RMDN2: variants seen among roughly 807,000 people sequenced by gnomAD.
RMDN2 encodes the protein regulator of microtubule dynamics 2.
Under a neutral mutation model 52.8 loss-of-function variants are expected in RMDN2, and 61 were observed. The observed-to-expected ratio is 1.16, with a 90% CI of 0.94 to 1.43. RMDN2 has a LOEUF of 1.43. Among genes scored for constraint, RMDN2 ranks in the 40% most tolerant of loss-of-function variants. The pLI, the probability that RMDN2 is intolerant of heterozygous loss-of-function variation, is 0.00. For missense variants in RMDN2, 592 were observed against 475.3 expected (o/e 1.25, Z -2.28); for synonymous variants, 180 against 153.1 (o/e 1.18, Z -1.30).
At chr2:37,972,580 A>G (rs1304009192) in intron 2 of RMDN2, among the ~76,000 whole-genome samples, 4 of 152,176 alleles carry the variant, frequency 2.6e-5, no homozygotes, top group African/African-American at 9.7e-5. Flanking sequence ...GGTTTTGAGC[A>G]AAGGAGTGAC....
chr2:37,978,017 C>G (rs920783842), intron 4 of RMDN2, among the ~76,000 whole-genome samples: 2 of 152,192 alleles, frequency 1.3e-5, no homozygotes, highest in Non-Finnish European at 2.9e-5. Context: ...CCACTGCACT[C>G]CAGCCTGGGC....
chr2:38,052,169 C>T (rs978773840), intron 10 of RMDN2, among the ~76,000 whole-genome samples: 1 of 152,184 alleles, frequency 6.6e-6, no homozygotes, highest in Non-Finnish European at 1.5e-5. Context: ...TCTACATCCT[C>T]CCCAGCATCT....
chr2:38,010,051 T>C (rs772549842), intron 10 of RMDN2, among the ~76,000 whole-genome samples: 1 of 152,198 alleles, frequency 6.6e-6, no homozygotes, highest in Non-Finnish European at 1.5e-5. Context: ...CAAATGTTGC[T>C]GCCTGATCGT....
intron 7 of RMDN2, among the ~76,000 whole-genome samples, chr2:37,996,221 C>G (rs1254845677): frequency 6.6e-6 from 1 of 151,984 alleles, no homozygotes; most frequent in African/African-American, 2.4e-5. Context: ...TTACAAAGTT[C>G]AAAGCGAAGC....
intron 10 of RMDN2, among the ~76,000 whole-genome samples, chr2:38,063,738 C>T (rs1034226189): frequency 9.2e-5 from 14 of 152,080 alleles, no homozygotes; most frequent in African/African-American, 3.1e-4. Context: ...AAAAAGTGGG[C>T]GAAGGATATG....
At chr2:37,997,034 G>A (rs1165635677) in intron 7 of RMDN2, among the ~76,000 whole-genome samples, 8 of 152,086 alleles carry the variant, frequency 5.3e-5, no homozygotes, top group East Asian at 3.9e-4. Flanking sequence ...TGTGCTGTAC[G>A]AAGAGATACA....
intron 10 of RMDN2, among the ~76,000 whole-genome samples, chr2:38,035,592 G>C (rs577518739): frequency 1.3e-5 from 2 of 152,116 alleles, no homozygotes; most frequent in East Asian, 3.9e-4. Flanking sequence ...CAGTGAAATA[G>C]AATATAAAGT....
chr2:37,951,412 C>G lies in RMDN2; in HGVS notation c.452+21683C>G, dbSNP rs1475229603. 2.5e-6 allele frequency: 4 copies of G among 1,612,872 alleles called. No homozygotes were observed. In the African/African-American group the frequency reaches 4.0e-5, roughly 16 times the overall value. On this transcript the variant is annotated intron_variant, in intron 2 of 10. Coordinates refer to ENST00000354545, the MANE Select transcript of RMDN2 (RefSeq NM_001170791.3). ...GCCAAAGCAAGTAGAAGGTTATTAT[C>G]TGTATCAAGTCCATCTTTCTCTGAA...
intron 2 of RMDN2, among the ~76,000 whole-genome samples, chr2:37,935,665 T>C (rs78332549): frequency 0.13 from 20,432 of 152,234 alleles, 1,589 homozygotes; most frequent in Non-Finnish European, 0.18. Context: ...ATGTGCACTT[T>C]TATATAAACA....
chr2:37,924,486 TC>T (rs946341316), upstream of RMDN2, among the ~76,000 whole-genome samples: 1 of 152,232 alleles, frequency 6.6e-6, no homozygotes, highest in Non-Finnish European at 1.5e-5. Context: ...TGCCTCATCC[TC>T]CCAAGTAGCT....
chr2:37,945,485 C>T (rs1159014271), intron 2 of RMDN2, among the ~76,000 whole-genome samples: 1 of 152,144 alleles, frequency 6.6e-6, no homozygotes, highest in African/African-American at 2.4e-5. Flanking sequence ...TCTACCAGCA[C>T]ATCTACAAAT....
chr2:37,977,237 C>G (rs1424199255), intron 4 of RMDN2, among the ~76,000 whole-genome samples: 1 of 152,258 alleles, frequency 6.6e-6, no homozygotes, highest in Non-Finnish European at 1.5e-5. Flanking sequence ...TCTCCTATGT[C>G]TACTTCTTTC....
chr2:37,953,265 G>C (rs1026303415), intron 2 of RMDN2, among the ~76,000 whole-genome samples: 2 of 151,814 alleles, frequency 1.3e-5, no homozygotes, highest in African/African-American at 4.8e-5. Context: ...TCACATTGTT[G>C]TACAGCCATC....
chr2:37,957,239 T>C (rs1357419356), intron 2 of RMDN2, among the ~76,000 whole-genome samples: 1 of 152,216 alleles, frequency 6.6e-6, no homozygotes, highest in Non-Finnish European at 1.5e-5. Flanking sequence ...CACACTGTCT[T>C]CCACAATGGT....
chr2:37,944,863 A>T (rs1045224494), intron 2 of RMDN2, among the ~76,000 whole-genome samples: 4 of 152,166 alleles, frequency 2.6e-5, no homozygotes, highest in Non-Finnish European at 5.9e-5. Context: ...GAGCGTATTT[A>T]TGGGCCACAA....
intron 4 of RMDN2, among the ~76,000 whole-genome samples, chr2:37,976,018 A>G (rs1312610478): frequency 6.6e-6 from 1 of 152,244 alleles, no homozygotes; most frequent in African/African-American, 2.4e-5. Flanking sequence ...AGTTAAAGTA[A>G]CACATCTTAC....
chr2:37,942,293 C>G (rs1309700390), intron 2 of RMDN2, among the ~76,000 whole-genome samples: 5 of 152,172 alleles, frequency 3.3e-5, no homozygotes, highest in African/African-American at 1.2e-4. Context: ...GCAGAAATCA[C>G]CCTTCTGCGT....
At chr2:37,940,501 T>G (rs115123231) in intron 2 of RMDN2, among the ~76,000 whole-genome samples, 4,122 of 152,308 alleles carry the variant, frequency 0.027, 174 homozygotes, top group African/African-American at 0.094. Context: ...CGATTCTCGC[T>G]GTCACTTTCA....
intron 5 of RMDN2, among the ~76,000 whole-genome samples, chr2:37,987,506 A>G (rs188097640): frequency 2.0e-5 from 3 of 152,340 alleles, no homozygotes; most frequent in East Asian, 3.9e-4. Context: ...TGGAGACAGT[A>G]AAAGGATCAG....
Sources: allele counts gnomAD v4.1 joint callset (sites outside exome capture counted in the v4.1 genomes callset), GRCh38; gene constraint gnomAD v4.1.1; transcripts MANE v1.5; gene names NCBI Gene and HGNC (gene_info 2026-07-23, HGNC 2026-07-21).